Variants in EIF5A2 observed in about 807,000 individuals in gnomAD.
EIF5A2 encodes eukaryotic translation initiation factor 5A-2.
In EIF5A2, 15 loss-of-function variants were observed where a neutral mutation model predicts 16.4. That is an observed-to-expected ratio of 0.92 (90% confidence interval 0.61 to 1.41). EIF5A2 has a LOEUF of 1.41. EIF5A2 is among the 40% of genes most tolerant of loss of function. The pLI is 0.00. For missense variants in EIF5A2, 144 were observed against 189.5 expected (o/e 0.76, Z 1.41); for synonymous variants, 48 against 61.1 (o/e 0.79, Z 1.00).
intron 3 of EIF5A2, among the ~76,000 whole-genome samples, chr3:170,898,433 T>C (rs1270231008): frequency 6.6e-6 from 1 of 152,182 alleles, no homozygotes; most frequent in Non-Finnish European, 1.5e-5. Flanking sequence ...GCAGTTTCCC[T>C]CATGCTGTTC....
intron 3 of EIF5A2, 77 bp from the exon 4 acceptor site, chr3:170,894,500 AATTGAT>A (rs1712619923): frequency 1.6e-6 from 2 of 1,256,920 alleles, no homozygotes; most frequent in East Asian, 4.8e-5. Context: ...GTTAAATTGC[AATTGAT>A]ATTAATTCAT....
At chr3:170,894,539 ATATTCTTG>A in intron 3 of EIF5A2, 116 bp from the exon 4 acceptor site, 1 of 762,376 alleles carries the variant, frequency 1.3e-6, no homozygotes, top group East Asian at 3.0e-5. Flanking sequence ...TAATATATTA[ATATTCTTG>A]GTATTTAAAA....
intron 3 of EIF5A2, among the ~76,000 whole-genome samples, chr3:170,895,843 AAT>A (rs537020461): frequency 6.6e-6 from 1 of 152,176 alleles, no homozygotes. Flanking sequence ...CTTTTTAAAA[AAT>A]ATATATATTT....
chr3:170,907,890 G>A (rs891483433), intron 1 of EIF5A2, 49 bp from the exon 2 acceptor site: 4 of 1,369,356 alleles, frequency 2.9e-6, no homozygotes, highest in East Asian at 2.4e-5. Context: ...ATGTAGGCAG[G>A]GAAACGTCTC....
At chr3:170,902,993 A>G (rs1330146892) in intron 3 of EIF5A2, among the ~76,000 whole-genome samples, 3 of 152,296 alleles carry the variant, frequency 2.0e-5, no homozygotes, top group African/African-American at 7.2e-5. Context: ...GACTACAGCC[A>G]CTACTGAAAA....
chr3:170,898,834 A>AT (rs1560009997), intron 3 of EIF5A2, among the ~76,000 whole-genome samples: 26 of 150,764 alleles, frequency 1.7e-4, no homozygotes, highest in African/African-American at 6.3e-4. Flanking sequence ...GTATACATCC[A>AT]ATATATATAT....
intron 3 of EIF5A2, among the ~76,000 whole-genome samples, chr3:170,897,306 G>T (rs1712698356): frequency 6.6e-6 from 1 of 152,224 alleles, no homozygotes; most frequent in Admixed American, 6.5e-5. Context: ...GTTACAAGGA[G>T]CTGAATATTA....
At chr3:170,907,129 G>C (rs1237417755) in intron 2 of EIF5A2, 36 bp from the exon 3 acceptor site, 2 of 1,394,002 alleles carry the variant, frequency 1.4e-6, no homozygotes, top group African/African-American at 1.4e-5. Flanking sequence ...TTTAATCTCT[G>C]CCAAGTATAT....
Position 170,906,971 on chromosome 3 carries a change from A to C in EIF5A2, c.270+18T>G. 6.6e-7 allele frequency: 1 copy of C among 1,523,422 alleles called. No individual in the cohort carries two copies. Among genetic ancestry groups the C allele is most frequent in the Non-Finnish European group, 9.0e-7 (1 of 1,107,966 alleles). The allele number at this position is 1,523,422 out of a possible 1,614,324, so 94.4% of individuals were successfully genotyped here. A position where few individuals can be genotyped will look rare whatever the true frequency, so the allele number is the denominator to read the frequency against. Reference sequence around the variant, plus strand: ...CCTTGAAGAAACAAGCAACATTCTAAAGAAAATCAGTGCTTACTTGATAAT... The same window carrying C: ...CCTTGAAGAAACAAGCAACATTCTACAGAAAATCAGTGCTTACTTGATAAT... On this transcript the variant is annotated intron_variant, in intron 3 of 4. Transcript: ENST00000295822.
chr3:170,907,847 C>A lies in EIF5A2; in HGVS notation c.-35-6G>T. 6.7e-7 allele frequency: 1 copy of A among 1,495,272 alleles called. No individual in the cohort carries two copies. The highest frequency in any genetic ancestry group is 9.0e-7 in the Non-Finnish European group (1 of 1,110,182). The allele number at this position is 1,495,272 out of a possible 1,614,324, so 92.6% of individuals were successfully genotyped here. A position where few individuals can be genotyped will look rare whatever the true frequency, so the allele number is the denominator to read the frequency against. The stretch of plus-strand genomic sequence containing the variant: ...TGGTAGTTTTTCCGTGGGAACTACA[C>A]AAAAAGTTTGTGTTTGCTTTTTAAC... On this transcript the variant is annotated splice_region_variant and splice_polypyrimidine_tract_variant and intron_variant, in intron 1 of 4. Coordinates refer to ENST00000295822, the MANE Select transcript of EIF5A2 (RefSeq NM_020390.6).
At chr3:170,906,801 G>A (rs1228966132) in intron 3 of EIF5A2, among the ~76,000 whole-genome samples, 188 bp downstream of exon 3, 1 of 152,102 alleles carries the variant, frequency 6.6e-6, no homozygotes, top group Non-Finnish European at 1.5e-5. Context: ...TAGCAAACTA[G>A]CAATAATCCT....
At chr3:170,895,379 C>G (rs571321453) in intron 3 of EIF5A2, among the ~76,000 whole-genome samples, 1 of 151,568 alleles carries the variant, frequency 6.6e-6, no homozygotes, top group African/African-American at 2.4e-5. Flanking sequence ...CAAAAAAGCA[C>G]GGTTTTGATA....
Position 170,893,280 on chromosome 3 carries a change from T to C in EIF5A2, c.*80A>G. On this transcript the variant is annotated 3_prime_UTR_variant, in exon 5 of 5. Transcript: ENST00000295822. ...GAAATGAGGTTGCTTATGAAGGCTA[T>C]AGCTTTGGTGACAACTTAGAACCAA... 11 of 1,463,164 alleles carry C rather than the reference T, an allele frequency of 7.5e-6. No homozygotes were observed. In the South Asian group the frequency reaches 1.4e-4, roughly 18 times the overall value. 90.6% of individuals were successfully genotyped at this position (1,463,164 alleles called of 1,614,324 possible).
intron 2 of EIF5A2, 42 bp from the exon 3 acceptor site, chr3:170,907,135 T>C: frequency 1.5e-6 from 2 of 1,324,210 alleles, no homozygotes; most frequent in Non-Finnish European, 2.2e-6. Context: ...CTCTGCCAAG[T>C]ATATCACTCA....
Position 170,894,368 on chromosome 3 carries a change from C to A in EIF5A2, c.326G>T (p.Arg109Leu). ...ACCTTCTGGCAGTTTAAGATCCTCA[C>A]GAACTTCACCAGTTTCTGTCAGCAG... ...LSLLTETGEV[R>L]EDLKLPEGEL... The change falls in exon 4 of 5, where the codon CGT (arginine) becomes CTT (leucine). Residue 109 changes from arginine (R) to leucine (L), a missense_variant. By Grantham distance (102) the Arg-to-Leu change is moderately radical. Coordinates refer to ENST00000295822, the MANE Select transcript of EIF5A2 (RefSeq NM_020390.6). The A allele has an allele frequency of 1.2e-6, 2 of 1,613,970 alleles. No individual in the cohort carries two copies. Among genetic ancestry groups the A allele is most frequent in the East Asian group, 2.2e-5 (1 of 44,834 alleles).
At position 170,889,789 on chromosome 3, in the gene EIF5A2, C is replaced by T. The variant is rs1300300170; in HGVS notation, c.*3571G>A. On this transcript the variant is annotated 3_prime_UTR_variant, in exon 5 of 5. Transcript: ENST00000295822. The stretch of plus-strand genomic sequence containing the variant: ...CATCAATGCCTGGCTCCAAAACTAT[C>T]TCTGGGGTCCATGCCAAAGGAATGC... The T allele has an allele frequency of 6.6e-6, 1 of 152,408 alleles. No homozygotes were observed. The highest frequency in any genetic ancestry group is 1.5e-5 in the Non-Finnish European group (1 of 67,964). The allele number at this position is 152,408 out of a possible 1,614,324, so 9.4% of individuals were successfully genotyped here.
In EIF5A2 at chr3:170,892,697, GCTAA is replaced by G. The variant is rs148288291; in HGVS notation, c.*659_*662del. The G allele has an allele frequency of 5.2e-3, 2,065 of 398,272 alleles. 48 individuals carry two copies. The Admixed American group carries it at 0.055, about 11-fold the overall frequency. 24.7% of individuals were successfully genotyped at this position (398,272 alleles called of 1,614,324 possible). On this transcript the variant is annotated 3_prime_UTR_variant, in exon 5 of 5. Coordinates refer to ENST00000295822, the MANE Select transcript of EIF5A2 (RefSeq NM_020390.6). ...TTGTGTCTTCCTTATAATCTTACTT[GCTAA>G]CTAACTTTCACCCAACAGTTCAGTG...
chr3:170,906,534 A>C (rs1451673709), intron 3 of EIF5A2, among the ~76,000 whole-genome samples: 1 of 152,216 alleles, frequency 6.6e-6, no homozygotes, highest in African/African-American at 2.4e-5. Context: ...AAGAATGTCA[A>C]GTTCTGACTA....
At position 170,891,690 on chromosome 3, in the gene EIF5A2, G is replaced by A. The variant is rs1420865999; in HGVS notation, c.*1670C>T. On this transcript the variant is annotated 3_prime_UTR_variant, in exon 5 of 5. Coordinates refer to ENST00000295822, the MANE Select transcript of EIF5A2 (RefSeq NM_020390.6). ...GAGAGGTCTAAGAGCCAGTCTTAGA[G>A]AATTAAGGTATTTCTGAGATAGTGA... The A allele has an allele frequency of 6.6e-6, 1 of 152,574 alleles. No homozygotes were observed. The highest frequency in any genetic ancestry group is 1.5e-5 in the Non-Finnish European group (1 of 68,032). The allele number at this position is 152,574 out of a possible 1,614,324, so 9.5% of individuals were successfully genotyped here.
Sources: gnomAD v4.1 joint callset for allele counts (sites outside exome capture counted in the v4.1 genomes callset) on GRCh38, gnomAD v4.1.1 for gene constraint, MANE v1.5 for transcripts, NCBI Gene and HGNC (gene_info 2026-07-23, HGNC 2026-07-21) for gene names.